The following MGAT5B variants were observed in gnomAD, a reference collection of about 807,000 sequenced individuals.
MGAT5B encodes the protein N-acetylglucosaminyl-transferase Vb.
A neutral mutation model predicts 95.1 loss-of-function variants in MGAT5B; 54 were observed. The observed-to-expected ratio is 0.57, with a 90% confidence interval of 0.46 to 0.71. The LOEUF (loss-of-function observed/expected upper bound fraction) is 0.71. Ranked by LOEUF, MGAT5B falls within the 30% of genes least tolerant of loss-of-function variation. The pLI, the probability that MGAT5B is intolerant of heterozygous loss-of-function variation, is 0.00. For synonymous variants in MGAT5B, 464 were observed against 451.0 expected (o/e 1.03, Z -0.36); for missense variants, 935 against 1,088.6 (o/e 0.86, Z 1.99).
chr17:76,931,952 CA>C (rs1567820395), intron 10 of MGAT5B, among the ~76,000 whole-genome samples: 1 of 152,110 alleles, frequency 6.6e-6, no homozygotes, highest in Non-Finnish European at 1.5e-5. Flanking sequence ...CAGCCTCAAA[CA>C]GGGGGACTTG....
At chr17:76,887,502 T>TCTCCCTCC (rs869081945) in intron 3 of MGAT5B, among the ~76,000 whole-genome samples, 1 of 32,122 alleles carries the variant, frequency 3.1e-5, no homozygotes, top group Non-Finnish European at 5.6e-5. Flanking sequence ...TCCCTTCCTC[T>TCTCCCTCC]CTCCCTCCCT....
chr17:76,904,125 C>A, intron 5 of MGAT5B, 127 bp from the exon 6 acceptor site: 1 of 928,316 alleles, frequency 1.1e-6, no homozygotes, highest in Non-Finnish European at 1.6e-6. Flanking sequence ...TCCCCTGTTG[C>A]ATCAGTAGGG....
intron 3 of MGAT5B, among the ~76,000 whole-genome samples, chr17:76,894,586 T>C (rs575652803): frequency 6.6e-6 from 1 of 152,284 alleles, no homozygotes; most frequent in East Asian, 1.9e-4. Flanking sequence ...CTGTGCGCAG[T>C]GGCTCATGCC....
At chr17:76,885,771 G>T (rs1438591677) in intron 3 of MGAT5B, among the ~76,000 whole-genome samples, 1 of 152,180 alleles carries the variant, frequency 6.6e-6, no homozygotes, top group African/African-American at 2.4e-5. Context: ...TGTGAAAGCC[G>T]CCTGCTCACA....
chr17:76,898,056 C>CA (rs5822148), intron 3 of MGAT5B, among the ~76,000 whole-genome samples: 79 of 144,762 alleles, frequency 5.5e-4, no homozygotes, highest in Non-Finnish European at 9.5e-4. Context: ...AACTCTGTCT[C>CA]AAAAAAAAAA....
chr17:76,921,736 C>T lies in MGAT5B; in HGVS notation c.1026-3230C>T, dbSNP rs1000736836. Among the ~76,000 whole-genome samples, 8 of 152,294 alleles carry T rather than the reference C, an allele frequency of 5.3e-5. No individual in the cohort carries two copies. In the East Asian group the frequency reaches 1.4e-3, roughly 26 times the overall value. On this transcript the variant is annotated intron_variant, in intron 8 of 17. Transcript: ENST00000569840. ...GTCCTGGCTCAGAGGCAGTGGGAAG[C>T]CTCGGAAAGGGTCAGAACCCCTGGG...
chr17:76,926,755 G>A (rs1217666512), intron 10 of MGAT5B, 25 bp downstream of exon 10: 1 of 1,609,154 alleles, frequency 6.2e-7, no homozygotes. Context: ...GGGCAGGGGT[G>A]GGGTCGGAGG....
chr17:76,872,581 T>G, intron 1 of MGAT5B: 1 of 1,334,750 alleles, frequency 7.5e-7, no homozygotes, highest in East Asian at 2.5e-5. Flanking sequence ...GCCTGGAGGC[T>G]AGAGCCCGCC....
At chr17:76,886,197 A>G (rs1300594508) in intron 3 of MGAT5B, among the ~76,000 whole-genome samples, 1 of 152,222 alleles carries the variant, frequency 6.6e-6, no homozygotes, top group South Asian at 2.1e-4. Flanking sequence ...TGGATTGAAG[A>G]GGTCAGTCCG....
At chr17:76,904,223 C>T in intron 5 of MGAT5B, 29 bp from the exon 6 acceptor site, 9 of 1,581,894 alleles carry the variant, frequency 5.7e-6, no homozygotes, top group Non-Finnish European at 7.7e-6. Flanking sequence ...GCTGGCGCAG[C>T]CCCCTGCCCA....
Position 76,905,526 on chromosome 17 carries a change from A to G in MGAT5B, c.855+193A>G, listed in dbSNP as rs112959593. On this transcript the variant is annotated intron_variant, in intron 7 of 17. Coordinates refer to ENST00000569840, the MANE Select transcript of MGAT5B (RefSeq NM_001199172.2). This position sits in a 1 kb window ranked among gnomAD's most constrained non-coding sequence, Gnocchi z 4.2. ...GCCCCTGGCCCTTTTCAAGGTTGGGACCAAATGACAAGCCCCCAAGAGGTC... is the reference window on the plus strand; with the variant it reads ...GCCCCTGGCCCTTTTCAAGGTTGGGGCCAAATGACAAGCCCCCAAGAGGTC... Among the ~76,000 whole-genome samples, 65 of 152,292 alleles carry G rather than the reference A, an allele frequency of 4.3e-4. No individual in the cohort carries two copies. In the South Asian group the frequency reaches 0.011, roughly 27 times the overall value.
chr17:76,914,763 G>T lies in MGAT5B; in HGVS notation c.1025+8576G>T, dbSNP rs1268005233. 1.3e-5 allele frequency among the ~76,000 whole-genome samples: 2 copies of T among 151,942 alleles called. No individual in the cohort carries two copies. The highest frequency in any genetic ancestry group is 6.5e-5 in the Admixed American group (1 of 15,272). The stretch of plus-strand genomic sequence containing the variant: ...AGTGATTCTCCTGCCTCAGCCTCCC[G>T]AGTAGCTGGGACTACAGGAATGTGC... On this transcript the variant is annotated intron_variant, in intron 8 of 17. Transcript: ENST00000569840. This position sits in a 1 kb window ranked among gnomAD's most constrained non-coding sequence, Gnocchi z 5.1.
intron 5 of MGAT5B, among the ~76,000 whole-genome samples, chr17:76,903,876 T>G (rs1968417873): frequency 6.6e-6 from 1 of 152,208 alleles, no homozygotes; most frequent in South Asian, 2.1e-4. Flanking sequence ...GCTCCAGCCC[T>G]GGCCGCCTTG....
At chr17:76,922,249 G>A (rs35640787) in intron 8 of MGAT5B, among the ~76,000 whole-genome samples, 44,122 of 152,042 alleles carry the variant, frequency 0.29, 8,126 homozygotes, top group Non-Finnish European at 0.4. Flanking sequence ...ACCCACCTAC[G>A]GTTTGTATTT....
chr17:76,868,931 C>T lies in MGAT5B; in HGVS notation c.-99C>T. ...TCCCAGCTTCGCTCGGACGCGGCTT[C>T]GGCCCGCAGAGGGTTCGTGGCCCGG... On this transcript the variant is annotated 5_prime_UTR_variant, in exon 1 of 18. Coordinates refer to ENST00000569840, the MANE Select transcript of MGAT5B (RefSeq NM_001199172.2). The surrounding 1 kb of genome is among the most constrained non-coding windows in gnomAD (Gnocchi z 6.3). 1.7e-6 allele frequency: 2 copies of T among 1,201,780 alleles called. No individual in the cohort carries two copies. Among genetic ancestry groups the T allele is most frequent in the African/African-American group, 1.6e-5 (1 of 63,712 alleles). The allele number at this position is 1,201,780 out of a possible 1,614,324, so 74.4% of individuals were successfully genotyped here.
In MGAT5B at chr17:76,944,934, CG is replaced by C. The variant is rs766918713; in HGVS notation, c.1849-1439del. On this transcript the variant is annotated intron_variant, in intron 15 of 17. Transcript: ENST00000569840. ...TTAGATTTCACCCACTGGCTAAAGA[CG>C]GGAAAGCGGCCTCATTAGGAGATGG... is the stretch of plus-strand genomic sequence containing the variant. 4.6e-5 allele frequency among the ~76,000 whole-genome samples: 7 copies of C among 152,292 alleles called. No homozygotes were observed. In the East Asian group the frequency reaches 1.2e-3, roughly 25 times the overall value.
rs1598987548 is a variant in MGAT5B, at chr17:76,932,652, C to G, written c.1299C>G (p.Thr433=). ...PKQFMTMFPH[T]PDNSFMGFVS... is the part of the protein sequence containing the mutation. ...TGCGTGCTCGGGCTGCAGCTCATAC[C>G]CCCGACAACTCCTTCATGGGCTTCG... Residue 433 remains threonine, a synonymous_variant, in exon 11 of 18, where the codon ACC becomes ACG. Coordinates refer to ENST00000569840, the MANE Select transcript of MGAT5B (RefSeq NM_001199172.2). 1 of 1,613,722 alleles carries G rather than the reference C, an allele frequency of 6.2e-7. No individual in the cohort carries two copies. Among genetic ancestry groups the G allele is most frequent in the African/African-American group, 1.3e-5 (1 of 74,920 alleles).
chr17:76,882,369 G>C, intron 3 of MGAT5B, 71 bp downstream of exon 3: 3 of 1,503,838 alleles, frequency 2.0e-6, no homozygotes, highest in Non-Finnish European at 2.7e-6. Flanking sequence ...CCGGGGTGCT[G>C]TCCGTCATCT....
chr17:76,903,826 T>C (rs1370317394), intron 5 of MGAT5B, among the ~76,000 whole-genome samples: 1 of 152,172 alleles, frequency 6.6e-6, no homozygotes, highest in African/African-American at 2.4e-5. Context: ...ACCCCTTCCT[T>C]GGTGACCATC....
Sources: allele counts gnomAD v4.1 joint callset (sites outside exome capture counted in the v4.1 genomes callset), GRCh38; gene constraint gnomAD v4.1.1; non-coding constraint Gnocchi (gnomAD v3.1); transcripts MANE v1.5; gene names NCBI Gene and HGNC (gene_info 2026-07-23, HGNC 2026-07-21).